Variants in NEK7 observed in about 807,000 individuals in gnomAD.
NEK7 encodes the protein NIMA related kinase 7, also known as serine/threonine-protein kinase Nek7.
Under a neutral mutation model 44.6 loss-of-function variants are expected in NEK7, and 18 were observed. The ratio of observed to expected loss-of-function variants is 0.40; its 90% CI spans 0.28 to 0.60. The LOEUF (loss-of-function observed/expected upper bound fraction) is 0.60. NEK7 is among the 20% of genes least tolerant of loss of function. The probability of loss-of-function intolerance (pLI) is 0.38; values close to 1 mark genes in which losing one functional copy is unlikely to be tolerated. For synonymous variants in NEK7, 130 were observed against 121.1 expected (o/e 1.07, Z -0.48); for missense variants, 256 against 366.5 (o/e 0.70, Z 2.46).
chr1:198,319,446 A>G lies in NEK7; in HGVS notation c.833A>G (p.Asp278Gly). 1.2e-6 allele frequency: 2 copies of G among 1,613,324 alleles called. No individual in the cohort carries two copies. The highest frequency in any genetic ancestry group is 8.5e-7 in the Non-Finnish European group (1 of 1,179,476). Residue 278 changes from aspartate to glycine, a missense_variant, in exon 10 of 10, where the codon GAT becomes GGT. Physicochemically the swap from Asp to Gly is moderately conservative, Grantham distance 94. Coordinates refer to ENST00000367385, the MANE Select transcript of NEK7 (RefSeq NM_133494.3). Reference protein sequence around the residue: ...RQLVNMCINPDPEKRPDVTYV... With the variant: ...RQLVNMCINPGPEKRPDVTYV... The stretch of plus-strand genomic sequence containing the variant: ...TTAGTTAATATGTGCATCAACCCAG[A>G]TCCAGAGAAGCGACCAGACGTCACC...
At chr1:198,273,750 T>C (rs1172322302) in intron 5 of NEK7, among the ~76,000 whole-genome samples, 2 of 151,776 alleles carry the variant, frequency 1.3e-5, no homozygotes, top group African/African-American at 2.4e-5. Context: ...TTTTTACTAA[T>C]TGGATATATG....
chr1:198,239,869 T>A (rs1666636249), intron 2 of NEK7, among the ~76,000 whole-genome samples: 1 of 152,160 alleles, frequency 6.6e-6, no homozygotes, highest in Non-Finnish European at 1.5e-5. Context: ...CCCGACAGGA[T>A]AGCCTACTAC....
At chr1:198,271,330 A>G (rs1411764881) in intron 5 of NEK7, among the ~76,000 whole-genome samples, 1 of 152,054 alleles carries the variant, frequency 6.6e-6, no homozygotes, top group African/African-American at 2.4e-5. Context: ...GAATGGGATT[A>G]TACAACAGGA....
intron 1 of NEK7, among the ~76,000 whole-genome samples, chr1:198,178,029 G>A (rs1424995564): frequency 6.6e-6 from 1 of 151,816 alleles, no homozygotes; most frequent in Non-Finnish European, 1.5e-5. Context: ...CCCTTTAAAA[G>A]GACTCAGATT....
intron 2 of NEK7, among the ~76,000 whole-genome samples, chr1:198,242,554 C>T (rs949160090): frequency 6.7e-6 from 1 of 150,244 alleles, no homozygotes; most frequent in East Asian, 2.0e-4. Context: ...CTCCACCTCC[C>T]GGGTTCAGGC....
At chr1:198,318,524 G>A (rs570924552) in intron 9 of NEK7, among the ~76,000 whole-genome samples, 3 of 152,218 alleles carry the variant, frequency 2.0e-5, no homozygotes, top group Admixed American at 6.5e-5. Context: ...GTGCTATATC[G>A]TGGCCAGAGT....
intron 1 of NEK7, among the ~76,000 whole-genome samples, chr1:198,211,608 G>A (rs1391241050): frequency 1.3e-5 from 2 of 152,072 alleles, no homozygotes; most frequent in East Asian, 1.9e-4. Flanking sequence ...ATTGAAGAAA[G>A]TATAAAAAAT....
intron 1 of NEK7, among the ~76,000 whole-genome samples, chr1:198,198,560 G>C (rs1285762485): frequency 6.6e-6 from 1 of 152,174 alleles, no homozygotes; most frequent in African/African-American, 2.4e-5. Context: ...GTTCTTCCCA[G>C]ACAGGATCCT....
intron 1 of NEK7, among the ~76,000 whole-genome samples, chr1:198,224,678 T>C (rs1666160688): frequency 6.6e-6 from 1 of 152,030 alleles, no homozygotes; most frequent in African/African-American, 2.4e-5. Context: ...TGGGCTTATG[T>C]TATTGGTAAA....
At chr1:198,220,786 TG>T (rs1178034740) in intron 1 of NEK7, 3 of 152,134 alleles carry the variant, frequency 2.0e-5, no homozygotes, top group African/African-American at 7.2e-5. Flanking sequence ...AGGTATCACA[TG>T]TACATACAGC....
At chr1:198,272,430 C>A (rs1653882306) in intron 5 of NEK7, among the ~76,000 whole-genome samples, 1 of 151,738 alleles carries the variant, frequency 6.6e-6, no homozygotes, top group South Asian at 2.1e-4. Flanking sequence ...AATTTCTCTC[C>A]TTTAGATTTC....
At position 198,320,206 on chromosome 1, in the gene NEK7, A is replaced by G. The variant is rs1655494344; in HGVS notation, c.*684A>G. On this transcript the variant is annotated 3_prime_UTR_variant, in exon 10 of 10. Coordinates refer to ENST00000367385, the MANE Select transcript of NEK7 (RefSeq NM_133494.3). Reference sequence around the variant, plus strand: ...GATATTCTCTTTGCATTGAAATGGTATAAATGAATCCATTTAAAAAGTGGT... The same window carrying G: ...GATATTCTCTTTGCATTGAAATGGTGTAAATGAATCCATTTAAAAAGTGGT... 6.6e-6 allele frequency: 1 copy of G among 152,160 alleles called. No homozygotes were observed. Among genetic ancestry groups the G allele is most frequent in the African/African-American group, 2.4e-5 (1 of 41,430 alleles). The allele number at this position is 152,160 out of a possible 1,614,324, so 9.4% of individuals were successfully genotyped here.
At chr1:198,279,220 G>A (rs1370328590) in intron 7 of NEK7, among the ~76,000 whole-genome samples, 159 bp downstream of exon 7, 2 of 137,150 alleles carry the variant, frequency 1.5e-5, no homozygotes, top group African/African-American at 5.3e-5. Context: ...TTAGGTATAA[G>A]GTTTCCTCTA....
chr1:198,234,556 G>A (rs997949968), intron 2 of NEK7, among the ~76,000 whole-genome samples: 1 of 152,140 alleles, frequency 6.6e-6, no homozygotes, highest in African/African-American at 2.4e-5. Context: ...AAAAAAGTAA[G>A]CACTTTCATT....
intron 1 of NEK7, among the ~76,000 whole-genome samples, chr1:198,194,679 GATGTAT>G (rs1387193480): frequency 1.3e-4 from 20 of 152,128 alleles, no homozygotes; most frequent in Admixed American, 2.6e-4. Flanking sequence ...GGTATTCCAT[GATGTAT>G]ATTTACCACA....
intron 1 of NEK7, among the ~76,000 whole-genome samples, chr1:198,165,891 T>G (rs1214443680): frequency 6.6e-6 from 1 of 152,256 alleles, no homozygotes; most frequent in Non-Finnish European, 1.5e-5. Context: ...TCAATGATCT[T>G]AGCTAGATCT....
intron 9 of NEK7, among the ~76,000 whole-genome samples, chr1:198,317,537 C>A (rs1313247832): frequency 6.6e-6 from 1 of 152,136 alleles, no homozygotes; most frequent in Non-Finnish European, 1.5e-5. Flanking sequence ...AACTTAAGGG[C>A]CAGTCATTCA....
intron 2 of NEK7, among the ~76,000 whole-genome samples, chr1:198,234,561 TTCA>T (rs1666492741): frequency 6.6e-6 from 1 of 152,154 alleles, no homozygotes; most frequent in South Asian, 2.1e-4. Flanking sequence ...AGTAAGCACT[TTCA>T]TTTTTGCCTC....
At chr1:198,278,759 G>C (rs1270018849) in intron 6 of NEK7, among the ~76,000 whole-genome samples, 195 bp from the exon 7 acceptor site, 2 of 151,838 alleles carry the variant, frequency 1.3e-5, no homozygotes, top group African/African-American at 4.8e-5. Context: ...TTGATGATTA[G>C]CTGTCTAGCA....
Sources: gnomAD v4.1 joint callset for allele counts (sites outside exome capture counted in the v4.1 genomes callset) on GRCh38, gnomAD v4.1.1 for gene constraint, MANE v1.5 for transcripts, NCBI Gene and HGNC (gene_info 2026-07-23, HGNC 2026-07-21) for gene names.